Variants in SLC39A13 observed in about 807,000 individuals in gnomAD.
The protein encoded by SLC39A13 is zinc transporter ZIP13.
In SLC39A13, 18 loss-of-function variants were observed where a neutral mutation model predicts 38.7. The observed-to-expected ratio is 0.47, with a 90% CI of 0.32 to 0.69. The LOEUF (loss-of-function observed/expected upper bound fraction) is 0.69, where lower values mean the gene tolerates loss of function less well. Ranked by LOEUF, SLC39A13 falls within the 30% of genes least tolerant of loss-of-function variation. The pLI is 0.03. For synonymous variants in SLC39A13, 212 were observed against 219.1 expected (o/e 0.97, Z 0.29); for missense variants, 395 against 490.7 (o/e 0.80, Z 1.84).
At chr11:47,410,530 T>C (rs1174398695) in intron 2 of SLC39A13, 135 bp downstream of exon 2, 5 of 1,231,054 alleles carry the variant, frequency 4.1e-6, no homozygotes, top group African/African-American at 1.5e-5. Context: ...CCCTTGGTCC[T>C]GTAGGAGCTA....
chr11:47,408,492 C>G (rs972822144), upstream of SLC39A13: 2 of 150,562 alleles, frequency 1.3e-5, no homozygotes, highest in Non-Finnish European at 3.0e-5. Flanking sequence ...CCCCGCGGCA[C>G]GCGGCGCCTC....
intron 2 of SLC39A13, 126 bp downstream of exon 2, chr11:47,410,521 C>T: frequency 7.7e-7 from 1 of 1,305,082 alleles, no homozygotes; most frequent in Non-Finnish European, 1.1e-6. Context: ...GAACTTCTCC[C>T]CTTGGTCCTG....
intron 4 of SLC39A13, among the ~76,000 whole-genome samples, chr11:47,412,908 C>T (rs758950066): frequency 5.0e-4 from 74 of 149,192 alleles, no homozygotes; most frequent in Non-Finnish European, 8.4e-4. Flanking sequence ...ACCACAGGTG[C>T]GCGCCACCAT....
At chr11:47,411,837 C>G in intron 2 of SLC39A13, 89 bp from the exon 3 acceptor site, 1 of 1,324,140 alleles carries the variant, frequency 7.6e-7, no homozygotes, top group East Asian at 2.5e-5. Context: ...CTTGCAGGCC[C>G]AGAAAGAGCC....
chr11:47,407,307 A>C (rs1323581844), upstream of SLC39A13: 2 of 152,248 alleles, frequency 1.3e-5, no homozygotes, highest in Admixed American at 6.5e-5. Context: ...ATGGACAGAA[A>C]GCTTCAGAAG....
chr11:47,415,418 C>G lies in SLC39A13; in HGVS notation c.*55C>G. 6.3e-7 allele frequency: 1 copy of G among 1,590,500 alleles called. No individual in the cohort carries two copies. Among genetic ancestry groups the G allele is most frequent in the East Asian group, 2.2e-5 (1 of 44,778 alleles). On this transcript the variant is annotated 3_prime_UTR_variant, in exon 10 of 10. Coordinates refer to ENST00000362021, the MANE Select transcript of SLC39A13 (RefSeq NM_001128225.3). ...TGCAGCAATAAGATGCTCGGATTCA[C>G]TCTGTGACCGCATATGTGAGAGGCA...
At chr11:47,414,105 TTACATGGAC>T in intron 6 of SLC39A13, 1 of 607,350 alleles carries the variant, frequency 1.6e-6, no homozygotes. Context: ...GGGCCTCGAC[TTACATGGAC>T]TCCTCCACCA....
rs1309774545 is a variant in SLC39A13, at chr11:47,412,440, G to C, written c.510G>C (p.Leu170=). 6 of 1,614,192 alleles carry C rather than the reference G, an allele frequency of 3.7e-6. No homozygotes were observed. The highest frequency in any genetic ancestry group is 1.7e-5 in the Admixed American group (1 of 60,034). Residue 170 remains leucine (L), a synonymous_variant, in exon 4 of 10, where the codon CTG becomes CTC. Transcript: ENST00000362021. ...TCCTGGCGTTGGAGAAGATGTTCCT[G>C]GACAGCAAGGAGGAGGGGACCAGCC... ...LTFLALEKMF[L]DSKEEGTSQA...
intron 3 of SLC39A13, 133 bp downstream of exon 3, chr11:47,412,172 G>A: frequency 2.4e-6 from 3 of 1,271,536 alleles, no homozygotes; most frequent in Non-Finnish European, 3.3e-6. Context: ...AGGGAGGGAG[G>A]GTCATTGTCC....
chr11:47,410,161 G>T lies in SLC39A13; in HGVS notation c.67G>T (p.Ala23Ser). 1 of 1,613,474 alleles carries T rather than the reference G, an allele frequency of 6.2e-7. No homozygotes were observed. Among genetic ancestry groups the T allele is most frequent in the Non-Finnish European group, 8.5e-7 (1 of 1,180,000 alleles). Residue 23 changes from alanine (A) to serine (S), a missense_variant, in exon 2 of 10, where the codon GCC (alanine) becomes TCC (serine). Ala to Ser is a moderately conservative substitution (Grantham distance 99). Transcript: ENST00000362021. ...AAGGCTCCTCTTCCTCACTGCCCTT[G>T]CCCTGGAGCTCTTGGAAAGGGCTGG... ...GPRLLFLTAL[A>S]LELLERAGGS...
rs1261580399 is a variant in SLC39A13, at chr11:47,414,428, G to A, written c.739G>A (p.Gly247Arg). ...AASFLVSKKI[G>R]LLTTMAILLH... Reference sequence around the variant, plus strand: ...GCCACGGCTCCCCTCCCTGCAGATCGGGCTCCTGACAACCATGGCCATCCT... The same window carrying A: ...GCCACGGCTCCCCTCCCTGCAGATCAGGCTCCTGACAACCATGGCCATCCT... The change falls in exon 7 of 10, where the codon GGG becomes AGG. Residue 247 changes from glycine (G) to arginine (R), a missense_variant. Physicochemically the swap from Gly to Arg is moderately radical, Grantham distance 125 (BLOSUM62 -2). Transcript: ENST00000362021. 5.0e-6 allele frequency: 8 copies of A among 1,610,000 alleles called. No homozygotes were observed. Among genetic ancestry groups the A allele is most frequent in the South Asian group, 2.2e-5 (2 of 90,150 alleles).
In SLC39A13 at chr11:47,412,364, T is replaced by C; in HGVS notation, c.434T>C (p.Leu145Pro). 1 of 1,614,024 alleles carries C rather than the reference T, an allele frequency of 6.2e-7. No individual in the cohort carries two copies. The change falls in exon 4 of 10, where the codon CTG (leucine) becomes CCG (proline). Residue 145 changes from leucine (L) to proline (P), a missense_variant. Leu to Pro is a moderately conservative substitution (Grantham distance 98). Transcript: ENST00000362021. ...SASPGGEGQS[L>P]QQQQQLGLWV... ...CCTGCAGGTGGTGAGGGGCAGAGCC[T>C]GCAGCAGCAGCAACAGCTGGGGCTG...
rs764438635 is a variant in SLC39A13 at position 47,414,806 on chromosome 11, C to T, written c.816C>T (p.Ala272=). 1.4e-5 allele frequency: 23 copies of T among 1,610,962 alleles called. No individual in the cohort carries two copies. Among genetic ancestry groups the T allele is most frequent in the East Asian group, 4.5e-5 (2 of 44,902 alleles). The change falls in exon 8 of 10, where the codon GCC becomes GCT. Residue 272 remains alanine, a synonymous_variant. Coordinates refer to ENST00000362021, the MANE Select transcript of SLC39A13 (RefSeq NM_001128225.3). ...GCGACTTTGCCATCCTGCTCCGGGC[C>T]GGCTTTGACCGATGGAGCGCAGCCA... The part of the protein sequence containing the change: ...EVGDFAILLR[A]GFDRWSAAKL...
Position 47,413,489 on chromosome 11 carries a change from C to G in SLC39A13, c.627C>G (p.Ala209=), listed in dbSNP as rs768982611. 1 of 1,614,056 alleles carries G rather than the reference C, an allele frequency of 6.2e-7. No individual in the cohort carries two copies. Among genetic ancestry groups the G allele is most frequent in the Non-Finnish European group, 8.5e-7 (1 of 1,180,006 alleles). The change falls in exon 5 of 10, where the codon GCC becomes GCG. Residue 209 remains alanine (A), a synonymous_variant. Transcript: ENST00000362021. ...AQPAAEPGLG[A]VVRSIKVSGY... ...CGGCTGCAGAGCCCGGCCTCGGTGC[C>G]GTGGTCCGGAGCATCAAAGTGAGTG...
At chr11:47,412,238 C>A in intron 3 of SLC39A13, 108 bp from the exon 4 acceptor site, 1 of 1,470,082 alleles carries the variant, frequency 6.8e-7, no homozygotes, top group Non-Finnish European at 9.2e-7. Context: ...CCCAACCCAC[C>A]CTTGTCACTG....
rs183296285 is a variant in SLC39A13 at position 47,414,753 on chromosome 11, G to A, written c.787-24G>A. 1.9e-3 allele frequency: 2,976 copies of A among 1,604,532 alleles called. 6 individuals are homozygous for A. The highest frequency in any genetic ancestry group is 4.2e-3 in the Middle Eastern group (19 of 4,576). ...GCATCAGGCCCCGCTGGGGCGCAGG[G>A]TGAACCTCTGGACCTCCCTTCAGGT... On this transcript the variant is annotated intron_variant, in intron 7 of 9. Transcript: ENST00000362021.
intron 4 of SLC39A13, among the ~76,000 whole-genome samples, chr11:47,412,750 G>C (rs2096005973): frequency 6.7e-6 from 1 of 148,628 alleles, no homozygotes; most frequent in Admixed American, 6.8e-5. Context: ...AAAAACAGGG[G>C]TTCCTATCTT....
upstream of SLC39A13, chr11:47,407,346 C>A (rs765870099): frequency 5.3e-5 from 8 of 152,170 alleles, no homozygotes; most frequent in Non-Finnish European, 1.2e-4. Flanking sequence ...GAGAAGTTGG[C>A]GGTCTAAGGA....
At chr11:47,414,300 C>T in intron 6 of SLC39A13, 125 bp from the exon 7 acceptor site, 1 of 1,068,616 alleles carries the variant, frequency 9.4e-7, no homozygotes, top group South Asian at 1.3e-5. Flanking sequence ...GCTGTATTTC[C>T]AGTGGCCAAC....
Sources: allele counts gnomAD v4.1 joint callset (sites outside exome capture counted in the v4.1 genomes callset), GRCh38; gene constraint gnomAD v4.1.1; transcripts MANE v1.5; gene names NCBI Gene and HGNC (gene_info 2026-07-23, HGNC 2026-07-21).